PCDHA2: variants seen among roughly 807,000 people sequenced by gnomAD.
PCDHA2 encodes protocadherin alpha 2.
Under a neutral mutation model 66.0 loss-of-function variants are expected in PCDHA2, and 58 were observed. The observed-to-expected ratio is 0.88, with a 90% CI of 0.71 to 1.09. The LOEUF is 1.09. Among genes scored for constraint, PCDHA2 ranks in the 50% least tolerant of loss-of-function variants. The probability of loss-of-function intolerance (pLI) is 0.00; values close to 1 mark genes in which losing one functional copy is unlikely to be tolerated. For missense variants in PCDHA2, 1,267 were observed against 1,242.3 expected (o/e 1.02, Z -0.30); for synonymous variants, 634 against 554.0 (o/e 1.14, Z -2.03).
rs184537292 is a variant in PCDHA2, at chr5:140,970,210, C to T, written c.2389-8739C>T. Among the ~76,000 whole-genome samples, 8 of 152,308 alleles carry T rather than the reference C, an allele frequency of 5.3e-5. No homozygotes were observed. The East Asian group carries it at 1.5e-3, about 29-fold the overall frequency. On this transcript the variant is annotated intron_variant, in intron 1 of 3. Transcript: ENST00000526136. Reference sequence around the variant, plus strand: ...TGTAAGAGGATTTCCCTGAATTTAGCTTAAATGCAGCCTGTAATCTTCTGA... The same window carrying T: ...TGTAAGAGGATTTCCCTGAATTTAGTTTAAATGCAGCCTGTAATCTTCTGA...
At chr5:140,853,090 A>T in intron 1 of PCDHA2, 2 of 331,170 alleles carry the variant, frequency 6.0e-6, no homozygotes, top group Non-Finnish European at 8.8e-6. Flanking sequence ...CGTGTTAGTC[A>T]GGATGGTCTC....
intron 1 of PCDHA2, chr5:140,831,357 T>C (rs2150193873): frequency 9.0e-6 from 1 of 110,600 alleles, no homozygotes; most frequent in Non-Finnish European, 1.9e-5. Context: ...TATTCACTAT[T>C]TTGTATGTGT....
chr5:140,990,822 C>G (rs1273714328), intron 3 of PCDHA2, among the ~76,000 whole-genome samples: 1 of 152,204 alleles, frequency 6.6e-6, no homozygotes. Flanking sequence ...CTTCTCTCAG[C>G]TAAAGCCTAT....
chr5:140,830,164 G>A, intron 1 of PCDHA2: 1 of 1,613,544 alleles, frequency 6.2e-7, no homozygotes, highest in Non-Finnish European at 8.5e-7. Context: ...GCCCAGAGGC[G>A]GCGCTGGTGG....
chr5:140,835,961 G>A (rs2150249175), intron 1 of PCDHA2: 1 of 1,613,162 alleles, frequency 6.2e-7, no homozygotes, highest in Admixed American at 1.7e-5. Context: ...TGGACCACGA[G>A]GAGCTGGAGC....
At chr5:140,918,510 A>G (rs1224635164) in intron 1 of PCDHA2, among the ~76,000 whole-genome samples, 1 of 152,144 alleles carries the variant, frequency 6.6e-6, no homozygotes, top group Non-Finnish European at 1.5e-5. Flanking sequence ...ATCCTTTTAA[A>G]CTTATTGAGG....
chr5:140,898,456 C>G (rs1333861280), intron 1 of PCDHA2, among the ~76,000 whole-genome samples: 2 of 152,134 alleles, frequency 1.3e-5, no homozygotes, highest in African/African-American at 2.4e-5. Flanking sequence ...AATCCTTTCC[C>G]CATTGCTTGT....
chr5:140,886,492 C>A (rs2060999452), intron 1 of PCDHA2, among the ~76,000 whole-genome samples: 1 of 152,036 alleles, frequency 6.6e-6, no homozygotes, highest in Non-Finnish European at 1.5e-5. Flanking sequence ...TAAAATATAT[C>A]TTTTTCCTTT....
chr5:140,926,181 C>T (rs1298109352), intron 1 of PCDHA2, among the ~76,000 whole-genome samples: 7 of 151,718 alleles, frequency 4.6e-5, no homozygotes, highest in Admixed American at 2.6e-4. Context: ...GCGGAAAGCC[C>T]CCCGCAGCAC....
chr5:140,829,360 G>A, intron 1 of PCDHA2: 2 of 1,614,228 alleles, frequency 1.2e-6, no homozygotes, highest in Non-Finnish European at 1.7e-6. Context: ...CCTATGAGTT[G>A]GTGGTAACCG....
intron 1 of PCDHA2, chr5:140,822,108 G>A: frequency 6.2e-7 from 1 of 1,614,266 alleles, no homozygotes; most frequent in Non-Finnish European, 8.5e-7. Context: ...TCGTGGACAG[G>A]CCGCTGCAGG....
chr5:140,849,774 G>GTA (rs2150449432), intron 1 of PCDHA2: 1 of 1,598,482 alleles, frequency 6.3e-7, no homozygotes, highest in Non-Finnish European at 8.6e-7. Context: ...GGTGGTTACC[G>GTA]CGCGGGACGG....
Position 140,795,397 on chromosome 5 carries a change from T to C in PCDHA2, c.433T>C (p.Ser145Pro), listed in dbSNP as rs376858335. 1 of 1,614,058 alleles carries C rather than the reference T, an allele frequency of 6.2e-7. No individual in the cohort carries two copies. The highest frequency in any genetic ancestry group is 1.3e-5 in the African/African-American group (1 of 74,918). Residue 145 changes from serine (S) to proline (P), a missense_variant, in exon 1 of 4, where the codon TCA (serine) becomes CCA (proline). Transcript: ENST00000526136. ...AGTAAAGACTATCCGGTTTCCCGAA[T>C]CAAGGCTGCTTGATTCTCGGTTTCC... ...MTVKTIRFPE[S>P]RLLDSRFPLE...
At chr5:140,834,506 T>A in intron 1 of PCDHA2, 1 of 1,614,072 alleles carries the variant, frequency 6.2e-7, no homozygotes, top group Non-Finnish European at 8.5e-7. Flanking sequence ...AGGCTAAACA[T>A]GGCAACTTCG....
At chr5:140,966,922 G>C (rs782206344) in intron 1 of PCDHA2, 7 of 1,602,954 alleles carry the variant, frequency 4.4e-6, no homozygotes, top group Non-Finnish European at 5.9e-6. Context: ...CAGAGGAGCA[G>C]GCACCCGGCG....
intron 1 of PCDHA2, chr5:140,805,744 C>A: frequency 3.7e-6 from 1 of 270,942 alleles, no homozygotes; most frequent in Non-Finnish European, 5.7e-6. Flanking sequence ...CAACATTGAA[C>A]TTGAAATACA....
rs2150459394 is a variant in PCDHA2 at position 140,849,947 on chromosome 5, G to A, written c.2388+52595G>A. ...CGGTGTCTGCGCGGGACGCTGACGC[G>A]CAGGAGAACGCCCTGGTGTCCTACT... On this transcript the variant is annotated intron_variant, in intron 1 of 3. Transcript: ENST00000526136. 23 of 1,597,838 alleles carry A rather than the reference G, an allele frequency of 1.4e-5. 5 individuals carry two copies. The highest frequency in any genetic ancestry group is 3.3e-5 in the South Asian group (3 of 90,532).
At chr5:140,807,997 C>T in intron 1 of PCDHA2, 3 of 1,613,450 alleles carry the variant, frequency 1.9e-6, no homozygotes, top group Non-Finnish European at 2.5e-6. Context: ...CAGATTTAGA[C>T]GAAGGATTGA....
intron 1 of PCDHA2, chr5:140,860,693 G>C (rs2046523245): frequency 6.6e-6 from 1 of 152,204 alleles, no homozygotes; most frequent in Non-Finnish European, 1.5e-5. Context: ...TTGAGCGACA[G>C]GATATTGTTG....
Sources: gnomAD v4.1 joint callset for allele counts (sites outside exome capture counted in the v4.1 genomes callset) on GRCh38, gnomAD v4.1.1 for gene constraint, MANE v1.5 for transcripts, NCBI Gene and HGNC (gene_info 2026-07-23, HGNC 2026-07-21) for gene names.